Variants in AKIRIN2 observed in about 807,000 individuals in gnomAD.
The protein encoded by AKIRIN2 is akirin 2, also known as akirin-2.
In AKIRIN2, 6 loss-of-function variants were observed where a neutral mutation model predicts 29.3. That is an observed-to-expected ratio of 0.20 (90% CI 0.11 to 0.40). AKIRIN2 has a LOEUF of 0.40. AKIRIN2 is among the 10% of genes least tolerant of loss of function. The pLI is 1.00. For synonymous variants in AKIRIN2, 128 were observed against 117.5 expected, an observed-to-expected ratio of 1.09 and a Z score of -0.58; for missense variants, 210 against 276.1, an observed-to-expected ratio of 0.76 and a Z score of 1.70.
intron 3 of AKIRIN2, among the ~76,000 whole-genome samples, chr6:87,676,233 G>A (rs1770976282): frequency 2.0e-5 from 3 of 151,920 alleles, no homozygotes; most frequent in African/African-American, 7.3e-5. Context: ...GGGAGGCCGA[G>A]GCGGGCGGAT....
chr6:87,699,805 G>A (rs1219763680), intron 1 of AKIRIN2, among the ~76,000 whole-genome samples: 8 of 152,144 alleles, frequency 5.3e-5, no homozygotes, highest in Non-Finnish European at 1.0e-4. Flanking sequence ...ACATGCCCAA[G>A]ATTATTTTGA....
At chr6:87,682,627 G>T (rs946197374) in intron 1 of AKIRIN2, among the ~76,000 whole-genome samples, 14 of 152,062 alleles carry the variant, frequency 9.2e-5, no homozygotes, top group African/African-American at 3.4e-4. Flanking sequence ...ATACTCCATA[G>T]CTCCCAAGTT....
chr6:87,696,255 TTA>T (rs1210033689), intron 1 of AKIRIN2, among the ~76,000 whole-genome samples: 1 of 152,012 alleles, frequency 6.6e-6, no homozygotes, highest in Non-Finnish European at 1.5e-5. Flanking sequence ...CTGAAGAAAT[TTA>T]TATTATTCTC....
At chr6:87,675,786 A>G in intron 4 of AKIRIN2, 74 bp downstream of exon 4, 1 of 1,505,014 alleles carries the variant, frequency 6.6e-7, no homozygotes, top group Non-Finnish European at 9.2e-7. Flanking sequence ...TTTGAGTATG[A>G]AAATAATTAT....
rs941414369 is a variant in AKIRIN2, at chr6:87,675,459, A to G, written c.*138T>C. 30 of 1,221,502 alleles carry G rather than the reference A, an allele frequency of 2.5e-5. No homozygotes were observed. The highest frequency in any genetic ancestry group is 1.9e-4 in the Middle Eastern group (1 of 5,312). The allele number at this position is 1,221,502 out of a possible 1,614,324, so 75.7% of individuals were successfully genotyped here. The stretch of plus-strand genomic sequence containing the variant: ...TTCCAAAACCAGTTGCTGCTGCCTA[A>G]GAGTGGTTGCCACTGACGAAAGCTT... On this transcript the variant is annotated 3_prime_UTR_variant, in exon 5 of 5. Coordinates refer to ENST00000257787, the MANE Select transcript of AKIRIN2 (RefSeq NM_018064.4).
intron 1 of AKIRIN2, among the ~76,000 whole-genome samples, chr6:87,685,084 T>C (rs1171433860): frequency 1.3e-5 from 2 of 152,210 alleles, no homozygotes; most frequent in Non-Finnish European, 2.9e-5. Flanking sequence ...TTGCCTGCAT[T>C]GCTTTTTACA....
intron 1 of AKIRIN2, among the ~76,000 whole-genome samples, chr6:87,692,966 C>A (rs147152349): frequency 1.3e-5 from 2 of 151,406 alleles, no homozygotes; most frequent in Non-Finnish European, 2.9e-5. Context: ...CAGTGGCTCA[C>A]GCCTGTAATC....
intron 3 of AKIRIN2, among the ~76,000 whole-genome samples, chr6:87,677,286 A>C (rs964350192): frequency 6.6e-6 from 1 of 152,166 alleles, no homozygotes; most frequent in African/African-American, 2.4e-5. Flanking sequence ...CTCTACATTA[A>C]CACCTCTATA....
At chr6:87,688,650 T>C (rs1184781969) in intron 1 of AKIRIN2, among the ~76,000 whole-genome samples, 1 of 151,976 alleles carries the variant, frequency 6.6e-6, no homozygotes, top group Non-Finnish European at 1.5e-5. Context: ...TCCGGGAGGC[T>C]GAGGTAGGAG....
At chr6:87,701,410 T>A in intron 1 of AKIRIN2, 40 bp downstream of exon 1, 1 of 1,528,792 alleles carries the variant, frequency 6.5e-7, no homozygotes, top group African/African-American at 1.4e-5. Flanking sequence ...CTGTTCCCAG[T>A]TCTCTCCACT....
At chr6:87,675,755 G>A (rs1416803410) in intron 4 of AKIRIN2, 105 bp downstream of exon 4, 1 of 1,457,234 alleles carries the variant, frequency 6.9e-7, no homozygotes, top group Non-Finnish European at 9.5e-7. Flanking sequence ...TACATTCTCA[G>A]TAATTTTGTT....
chr6:87,691,078 A>T (rs1372799843), intron 1 of AKIRIN2, among the ~76,000 whole-genome samples: 1 of 152,198 alleles, frequency 6.6e-6, no homozygotes, highest in Non-Finnish European at 1.5e-5. Flanking sequence ...GTGAACATTT[A>T]AAAGTCAATC....
At chr6:87,699,735 A>T (rs1353176705) in intron 1 of AKIRIN2, among the ~76,000 whole-genome samples, 1 of 152,202 alleles carries the variant, frequency 6.6e-6, no homozygotes, top group East Asian at 1.9e-4. Flanking sequence ...AAAGGATCAC[A>T]ATTCTGAATA....
At chr6:87,678,360 G>C (rs544973796) in intron 2 of AKIRIN2, among the ~76,000 whole-genome samples, 1 of 151,864 alleles carries the variant, frequency 6.6e-6, no homozygotes, top group Non-Finnish European at 1.5e-5. Context: ...AAATTAGCCA[G>C]GCATGGTGGC....
At chr6:87,700,395 G>A (rs866198329) in intron 1 of AKIRIN2, 1 of 152,146 alleles carries the variant, frequency 6.6e-6, no homozygotes, top group Non-Finnish European at 1.5e-5. Flanking sequence ...TGTCTAAAGG[G>A]TGATATTATT....
At chr6:87,693,854 A>C (rs1771318457) in intron 1 of AKIRIN2, among the ~76,000 whole-genome samples, 2 of 152,186 alleles carry the variant, frequency 1.3e-5, no homozygotes, top group Non-Finnish European at 1.5e-5. Context: ...AGATTGTCAC[A>C]GTGAACATCA....
rs10659226 is a variant in AKIRIN2, at chr6:87,700,267, C to CAAA, written c.235+1180_235+1182dup. On this transcript the variant is annotated intron_variant, in intron 1 of 4. Transcript: ENST00000257787. ...ATTTAGAAAATATTTTTAAATGTGA[C>CAAA]AAAAAAAAAAAAACACTAAAGTCAG... Among the ~76,000 whole-genome samples, 1,331 of 141,988 alleles carry CAAA rather than the reference C, an allele frequency of 9.4e-3. 12 individuals are homozygous for CAAA. The highest frequency in any genetic ancestry group is 0.013 in the Non-Finnish European group (863 of 65,598). 93.1% of individuals were successfully genotyped at this position (141,988 alleles called of 152,430 possible).
At chr6:87,695,822 T>C (rs1771350835) in intron 1 of AKIRIN2, among the ~76,000 whole-genome samples, 1 of 152,224 alleles carries the variant, frequency 6.6e-6, no homozygotes, top group Non-Finnish European at 1.5e-5. Flanking sequence ...GAAGCTTTTA[T>C]TCTCAATCTT....
At position 87,702,098 on chromosome 6, in the gene AKIRIN2, G is replaced by A; in HGVS notation, c.-414C>T. 2.5e-6 allele frequency: 1 copy of A among 399,208 alleles called. No individual in the cohort carries two copies. The highest frequency in any genetic ancestry group is 4.4e-6 in the Non-Finnish European group (1 of 226,248). 24.7% of individuals were successfully genotyped at this position (399,208 alleles called of 1,614,324 possible). A position where few individuals can be genotyped will look rare whatever the true frequency, so the allele number is the denominator to read the frequency against. On this transcript the variant is annotated 5_prime_UTR_variant, in exon 1 of 5. Transcript: ENST00000257787. The stretch of plus-strand genomic sequence containing the variant: ...AACAGCACCGTGGGGTGTGAGGCTG[G>A]AACGCGGCTCCTAATACGCCCGAGT...
Sources: gnomAD v4.1 joint callset for allele counts (sites outside exome capture counted in the v4.1 genomes callset) on GRCh38, gnomAD v4.1.1 for gene constraint, MANE v1.5 for transcripts, NCBI Gene and HGNC (gene_info 2026-07-23, HGNC 2026-07-21) for gene names.